DCDC2: variants seen among roughly 807,000 people sequenced by gnomAD.
The protein encoded by DCDC2 is doublecortin domain containing 2, also known as doublecortin domain-containing protein 2.
In DCDC2, 40 loss-of-function variants were observed where a neutral mutation model predicts 50.2. That is an observed-to-expected ratio of 0.80 (90% CI 0.62 to 1.04). The LOEUF (loss-of-function observed/expected upper bound fraction) is 1.04. Ranked by LOEUF, DCDC2 falls within the 50% of genes least tolerant of loss-of-function variation. DCDC2 has a pLI of 0.00. For synonymous variants in DCDC2, 234 were observed against 210.6 expected (o/e 1.11, Z -0.96); for missense variants, 570 against 581.9 (o/e 0.98, Z 0.21).
At chr6:24,269,508 G>A (rs897524845) in intron 7 of DCDC2, among the ~76,000 whole-genome samples, 1 of 152,152 alleles carries the variant, frequency 6.6e-6, no homozygotes, top group Non-Finnish European at 1.5e-5. Context: ...TGAGCAATTA[G>A]AACAAAGAAG....
rs140361584 is a variant in DCDC2 at position 24,280,029 on chromosome 6, C to T, written c.760-1818G>A. Among the ~76,000 whole-genome samples the T allele has an allele frequency of 3.0e-4, 46 of 152,284 alleles. No individual in the cohort carries two copies. In the East Asian group the frequency reaches 8.1e-3, roughly 27 times the overall value. On this transcript the variant is annotated intron_variant, in intron 6 of 9. Coordinates refer to ENST00000378454, the MANE Select transcript of DCDC2 (RefSeq NM_016356.5). ...ATCTTTATGCAACATCTGTACTATG[C>T]TTGTGTCTGAAAGTAAATGTAGTAA...
intron 7 of DCDC2, among the ~76,000 whole-genome samples, chr6:24,244,885 A>T (rs1465431914): frequency 6.6e-6 from 1 of 152,182 alleles, no homozygotes; most frequent in African/African-American, 2.4e-5. Context: ...AGAAATGCAA[A>T]CAAAATGTGA....
At chr6:24,238,206 C>A (rs1289286452) in intron 7 of DCDC2, among the ~76,000 whole-genome samples, 1 of 97,622 alleles carries the variant, frequency 1.0e-5, no homozygotes, top group Non-Finnish European at 2.0e-5. Context: ...GGGAGTTCCA[C>A]TTCTAAAACC....
intron 7 of DCDC2, among the ~76,000 whole-genome samples, chr6:24,234,520 G>A (rs1762402824): frequency 6.6e-6 from 1 of 152,110 alleles, no homozygotes; most frequent in Non-Finnish European, 1.5e-5. Context: ...CCTGTTAGGA[G>A]GTTATTGCTG....
At position 24,173,951 on chromosome 6, in the gene DCDC2, T is replaced by C. The variant is rs1409331748; in HGVS notation, c.*779A>G. ...AAGAGAGAGATACTATTGGTAAAGA[T>C]AGACTGGATCAGTGAAAATCCACAG... On this transcript the variant is annotated 3_prime_UTR_variant, in exon 10 of 10. Transcript: ENST00000378454. The C allele has an allele frequency of 6.6e-6, 1 of 152,224 alleles. No homozygotes were observed. The highest frequency in any genetic ancestry group is 6.5e-5 in the Admixed American group (1 of 15,284). The allele number at this position is 152,224 out of a possible 1,614,324, so 9.4% of individuals were successfully genotyped here.
chr6:24,190,209 C>T (rs576978923), intron 8 of DCDC2, among the ~76,000 whole-genome samples: 22 of 152,206 alleles, frequency 1.4e-4, no homozygotes, highest in African/African-American at 4.8e-4. Flanking sequence ...CTGTCTCACC[C>T]GGGTCCCTTT....
chr6:24,358,710 TA>T (rs1165903927), upstream of DCDC2, among the ~76,000 whole-genome samples: 1 of 85,210 alleles, frequency 1.2e-5, no homozygotes, highest in African/African-American at 4.9e-5. Context: ...TTTTTTTATA[TA>T]TATATTTTAT....
chr6:24,281,943 T>G (rs939152181), intron 6 of DCDC2, among the ~76,000 whole-genome samples: 1 of 152,224 alleles, frequency 6.6e-6, no homozygotes, highest in African/African-American at 2.4e-5. Context: ...TCTACTACAC[T>G]GAAACTTTCT....
chr6:24,180,071 T>C (rs925480886), intron 8 of DCDC2, among the ~76,000 whole-genome samples: 4 of 151,928 alleles, frequency 2.6e-5, no homozygotes, highest in Non-Finnish European at 4.4e-5. Flanking sequence ...GGCTGTTACC[T>C]AACTTTGGTG....
chr6:24,296,961 G>T (rs747060001), intron 4 of DCDC2, among the ~76,000 whole-genome samples: 4 of 151,996 alleles, frequency 2.6e-5, no homozygotes, highest in Non-Finnish European at 5.9e-5. Flanking sequence ...CCCATTACTG[G>T]GTATACACCC....
intron 2 of DCDC2, among the ~76,000 whole-genome samples, chr6:24,346,275 A>G (rs1011766774): frequency 2.0e-5 from 3 of 152,218 alleles, no homozygotes; most frequent in African/African-American, 7.2e-5. Flanking sequence ...GGGGTAGTAC[A>G]GAAAAGAGAC....
chr6:24,270,593 G>T (rs11962500), intron 7 of DCDC2, among the ~76,000 whole-genome samples: 12,062 of 152,140 alleles, frequency 0.079, 732 homozygotes, highest in African/African-American at 0.17. Context: ...ATATTCTAAA[G>T]GACCGGGCCC....
chr6:24,376,171 G>A, the DCDC2 span, among the ~76,000 whole-genome samples: 1 of 152,210 alleles, frequency 6.6e-6, no homozygotes, highest in Non-Finnish European at 1.5e-5. Context: ...GTCAGTTTCG[G>A]TCTCCTTGAA....
intron 2 of DCDC2, among the ~76,000 whole-genome samples, chr6:24,319,383 T>C (rs773255984): frequency 2.0e-5 from 3 of 152,176 alleles, no homozygotes; most frequent in Non-Finnish European, 4.4e-5. Context: ...TCTCCCATTC[T>C]GCAGGGTGTC....
intron 7 of DCDC2, among the ~76,000 whole-genome samples, chr6:24,224,743 G>A (rs1424415024): frequency 1.3e-5 from 2 of 152,144 alleles, no homozygotes; most frequent in South Asian, 4.1e-4. Flanking sequence ...TCTGCTCTCA[G>A]CTACCAGCTC....
At chr6:24,227,802 T>A (rs1762262226) in intron 7 of DCDC2, among the ~76,000 whole-genome samples, 1 of 152,182 alleles carries the variant, frequency 6.6e-6, no homozygotes, top group African/African-American at 2.4e-5. Flanking sequence ...AATGACTGTC[T>A]CCCGATTAAT....
chr6:24,237,750 T>C (rs1476789608), intron 7 of DCDC2, among the ~76,000 whole-genome samples: 1 of 152,090 alleles, frequency 6.6e-6, no homozygotes, highest in Non-Finnish European at 1.5e-5. Flanking sequence ...TAAAAAAGAA[T>C]GAAATCATGT....
intron 7 of DCDC2, among the ~76,000 whole-genome samples, chr6:24,223,892 G>T (rs1475839374): frequency 6.6e-6 from 1 of 152,222 alleles, no homozygotes; most frequent in Non-Finnish European, 1.5e-5. Context: ...AGTTCAAACT[G>T]TTCTTAAACT....
At chr6:24,208,363 CT>C (rs34475687) in intron 7 of DCDC2, among the ~76,000 whole-genome samples, 5,718 of 84,132 alleles carry the variant, frequency 0.068, 64 homozygotes, top group African/African-American at 0.17. Flanking sequence ...CTCTGTGCTA[CT>C]TTTTTTTTTT....
Sources: allele counts gnomAD v4.1 joint callset (sites outside exome capture counted in the v4.1 genomes callset), GRCh38; gene constraint gnomAD v4.1.1; transcripts MANE v1.5; gene names NCBI Gene and HGNC (gene_info 2026-07-23, HGNC 2026-07-21).